Variants in PPM1L observed in about 807,000 individuals in gnomAD.
PPM1L encodes the protein protein phosphatase, Mg2+/Mn2+ dependent 1L.
A neutral mutation model predicts 31.4 loss-of-function variants in PPM1L; 13 were observed. The ratio of observed to expected loss-of-function variants is 0.41; its 90% CI spans 0.27 to 0.66. PPM1L has a LOEUF of 0.66. Ranked by LOEUF, PPM1L falls within the 30% of genes least tolerant of loss-of-function variation. PPM1L has a pLI of 0.29. For synonymous variants in PPM1L, 184 were observed against 175.4 expected (o/e 1.05, Z -0.39); for missense variants, 326 against 453.7 (o/e 0.72, Z 2.56).
At chr3:160,970,510 C>T (rs140573757) in intron 2 of PPM1L, among the ~76,000 whole-genome samples, 2,725 of 143,252 alleles carry the variant, frequency 0.019, 74 homozygotes, top group African/African-American at 0.066. Context: ...AGTGCAGTGG[C>T]GCAATCTTGG....
At chr3:160,864,667 G>A (rs1362220483) in intron 1 of PPM1L, among the ~76,000 whole-genome samples, 1 of 152,172 alleles carries the variant, frequency 6.6e-6, no homozygotes, top group African/African-American at 2.4e-5. Context: ...GATATAAATG[G>A]ATGAATAAGA....
At chr3:160,979,901 G>T (rs1559912020) in intron 2 of PPM1L, among the ~76,000 whole-genome samples, 1 of 151,844 alleles carries the variant, frequency 6.6e-6, no homozygotes, top group East Asian at 1.9e-4. Flanking sequence ...GTCGACAAAG[G>T]AACTCAGCAA....
intron 1 of PPM1L, among the ~76,000 whole-genome samples, chr3:160,875,324 A>G (rs1204779741): frequency 2.0e-5 from 3 of 152,174 alleles, no homozygotes; most frequent in East Asian, 1.9e-4. Flanking sequence ...ACAGAGCTTT[A>G]TTGCTGTTAG....
intron 1 of PPM1L, among the ~76,000 whole-genome samples, chr3:160,874,756 C>G (rs981954908): frequency 6.6e-6 from 1 of 152,212 alleles, no homozygotes; most frequent in Non-Finnish European, 1.5e-5. Context: ...GGTCCTCTTT[C>G]TTTCCTGTGA....
At chr3:160,957,263 A>G (rs916004148) in intron 1 of PPM1L, among the ~76,000 whole-genome samples, 5 of 152,224 alleles carry the variant, frequency 3.3e-5, no homozygotes, top group Non-Finnish European at 5.9e-5. Context: ...ATAGTATTCC[A>G]TGGTGAATGT....
chr3:160,792,189 T>A (rs1471356593), intron 1 of PPM1L, among the ~76,000 whole-genome samples: 1 of 152,176 alleles, frequency 6.6e-6, no homozygotes. Flanking sequence ...ACGTAACTAA[T>A]TTTTTGGGTT....
At chr3:160,915,613 G>A (rs570400485) in intron 1 of PPM1L, among the ~76,000 whole-genome samples, 6 of 152,134 alleles carry the variant, frequency 3.9e-5, no homozygotes, top group Non-Finnish European at 8.8e-5. Context: ...TCAATCCTAA[G>A]CCAAAAGAAC....
At chr3:160,861,823 T>C (rs1711901951) in intron 1 of PPM1L, among the ~76,000 whole-genome samples, 1 of 152,158 alleles carries the variant, frequency 6.6e-6, no homozygotes, top group African/African-American at 2.4e-5. Flanking sequence ...TTTTCCAGCT[T>C]CTAGAGACTG....
chr3:161,026,568 C>T (rs746959523), intron 2 of PPM1L, among the ~76,000 whole-genome samples: 4 of 151,830 alleles, frequency 2.6e-5, no homozygotes, highest in African/African-American at 9.7e-5. Context: ...CGGTGGTGGG[C>T]GCCTGTAATC....
rs1403632647 is a variant in PPM1L at position 161,077,962 on chromosome 3, T to G, written c.*8805T>G. On this transcript the variant is annotated 3_prime_UTR_variant, in exon 4 of 4. Transcript: ENST00000498165. ...GCTTTTTAAATCCAAATAATACTAGTTATTGCCAAATTGCATTAGAATCCT... is the reference window on the plus strand; with the variant it reads ...GCTTTTTAAATCCAAATAATACTAGGTATTGCCAAATTGCATTAGAATCCT... 6.6e-6 allele frequency: 1 copy of G among 152,204 alleles called. No homozygotes were observed. Among genetic ancestry groups the G allele is most frequent in the East Asian group, 1.9e-4 (1 of 5,196 alleles). 9.4% of individuals were successfully genotyped at this position (152,204 alleles called of 1,614,324 possible).
At chr3:160,991,805 A>T (rs1490976925) in intron 2 of PPM1L, among the ~76,000 whole-genome samples, 1 of 152,188 alleles carries the variant, frequency 6.6e-6, no homozygotes, top group African/African-American at 2.4e-5. Flanking sequence ...CATTCATCTC[A>T]TTATACTGCA....
intron 2 of PPM1L, among the ~76,000 whole-genome samples, chr3:160,997,972 A>G (rs1717377771): frequency 6.6e-6 from 1 of 152,210 alleles, no homozygotes; most frequent in Non-Finnish European, 1.5e-5. Context: ...CAAGTCTTAT[A>G]CACAAGTAAA....
At chr3:160,921,756 A>G (rs1215044111) in intron 1 of PPM1L, among the ~76,000 whole-genome samples, 2 of 152,210 alleles carry the variant, frequency 1.3e-5, no homozygotes, top group Admixed American at 1.3e-4. Context: ...ATTCTTAAAA[A>G]TCTTTACATA....
intron 1 of PPM1L, among the ~76,000 whole-genome samples, chr3:160,859,874 C>T (rs972932483): frequency 5.3e-5 from 8 of 152,148 alleles, no homozygotes; most frequent in African/African-American, 4.8e-5. Context: ...CAAATAAGAA[C>T]TTGGATGCGG....
At chr3:160,981,506 G>A (rs528373535) in intron 2 of PPM1L, among the ~76,000 whole-genome samples, 7 of 152,188 alleles carry the variant, frequency 4.6e-5, no homozygotes, top group African/African-American at 9.6e-5. Context: ...TGTGAATGTC[G>A]AAAGTGGTAT....
At position 160,862,705 on chromosome 3, in the gene PPM1L, A is replaced by ACACACAC. The variant is rs1560130395; in HGVS notation, c.400-99031_400-99030insCACACAC. Among the ~76,000 whole-genome samples the ACACACAC allele has an allele frequency of 5.2e-3, 438 of 83,982 alleles. 5 individuals carry two copies. Among genetic ancestry groups the ACACACAC allele is most frequent in the South Asian group, 0.016 (41 of 2,556 alleles). The allele number at this position is 83,982 out of a possible 152,430, so 55.1% of individuals were successfully genotyped here. On this transcript the variant is annotated intron_variant, in intron 1 of 3. Coordinates refer to ENST00000498165, the MANE Select transcript of PPM1L (RefSeq NM_139245.4). ...ACACACACACACACACACACACACA[A>ACACACAC]AATTCTGAAACCCTAATACTGTCAA...
chr3:160,907,880 A>G (rs1401908563), intron 1 of PPM1L, among the ~76,000 whole-genome samples: 1 of 152,130 alleles, frequency 6.6e-6, no homozygotes, highest in African/African-American at 2.4e-5. Context: ...TGAATACCCC[A>G]ACTTTGCTCT....
At chr3:161,060,651 G>T (rs1719542948) in intron 2 of PPM1L, among the ~76,000 whole-genome samples, 1 of 151,862 alleles carries the variant, frequency 6.6e-6, no homozygotes, top group Non-Finnish European at 1.5e-5. Flanking sequence ...CATTTTCTGA[G>T]GCTTAAAAGT....
At chr3:161,064,946 CAT>C (rs894823899) in intron 2 of PPM1L, among the ~76,000 whole-genome samples, 1 of 151,988 alleles carries the variant, frequency 6.6e-6, no homozygotes, top group African/African-American at 2.4e-5. Flanking sequence ...TCATGCTCCA[CAT>C]GATTCAGCTG....
Sources: allele counts gnomAD v4.1 joint callset (sites outside exome capture counted in the v4.1 genomes callset), GRCh38; gene constraint gnomAD v4.1.1; transcripts MANE v1.5; gene names NCBI Gene and HGNC (gene_info 2026-07-23, HGNC 2026-07-21).